Variants in FRMD4A observed in about 807,000 individuals in gnomAD.
FRMD4A encodes FERM domain containing 4A.
A neutral mutation model predicts 129.1 loss-of-function variants in FRMD4A; 29 were observed. The ratio of observed to expected loss-of-function variants is 0.22; its 90% CI spans 0.17 to 0.31. The LOEUF is 0.31. Ranked by LOEUF, FRMD4A falls within the 10% of genes least tolerant of loss-of-function variation. FRMD4A has a pLI of 1.00. For missense variants in FRMD4A, 1,272 were observed against 1,375.8 expected, an observed-to-expected ratio of 0.92 and a Z score of 1.19; for synonymous variants, 634 against 571.6, an observed-to-expected ratio of 1.11 and a Z score of -1.56.
intron 2 of FRMD4A, among the ~76,000 whole-genome samples, chr10:14,315,374 A>G (rs1404893482): frequency 6.6e-6 from 1 of 152,096 alleles, no homozygotes; most frequent in African/African-American, 2.4e-5. Flanking sequence ...TTAGAAACCT[A>G]TTTCTTCTGT....
intron 3 of FRMD4A, among the ~76,000 whole-genome samples, chr10:13,818,746 G>T (rs1469986735): frequency 6.6e-6 from 1 of 152,158 alleles, no homozygotes; most frequent in Non-Finnish European, 1.5e-5. Flanking sequence ...AAATTAGTCT[G>T]ATCTATATGA....
At position 13,991,534 on chromosome 10, in the gene FRMD4A, T is replaced by A. The variant is rs563199157; in HGVS notation, c.46-132622A>T. ...ACACAATGGAGTGGAATGGAGTGGC[T>A]CTGTTCTGTCAGGGCCTAACATTCC... is the stretch of plus-strand genomic sequence containing the variant. On this transcript the variant is annotated intron_variant, in intron 2 of 24. Transcript: ENST00000357447. Among the ~76,000 whole-genome samples, 14 of 152,320 alleles carry A rather than the reference T, an allele frequency of 9.2e-5. No homozygotes were observed. In the East Asian group the frequency reaches 2.1e-3, roughly 23 times the overall value.
chr10:14,260,385 T>C (rs1225791385), intron 2 of FRMD4A, among the ~76,000 whole-genome samples: 1 of 152,158 alleles, frequency 6.6e-6, no homozygotes, highest in African/African-American at 2.4e-5. Context: ...TGACACCACA[T>C]GGTGGCTGTG....
At chr10:13,817,614 A>G (rs531012962) in intron 3 of FRMD4A, among the ~76,000 whole-genome samples, 3 of 152,314 alleles carry the variant, frequency 2.0e-5, no homozygotes, top group African/African-American at 7.2e-5. Flanking sequence ...TAAGTCTCAC[A>G]AGATCTGACG....
chr10:13,698,762 C>T (rs1209800523), intron 14 of FRMD4A, among the ~76,000 whole-genome samples: 1 of 152,162 alleles, frequency 6.6e-6, no homozygotes, highest in African/African-American at 2.4e-5. Context: ...ACCCGGGGTC[C>T]CAGAGCTGGA....
chr10:14,297,907 G>A (rs568067620), intron 2 of FRMD4A, among the ~76,000 whole-genome samples: 1 of 152,278 alleles, frequency 6.6e-6, no homozygotes, highest in East Asian at 1.9e-4. Context: ...GAAAAGCCAA[G>A]ATCTTAACAT....
intron 8 of FRMD4A, among the ~76,000 whole-genome samples, chr10:13,755,417 C>T (rs1034222616): frequency 6.6e-6 from 1 of 152,190 alleles, no homozygotes; most frequent in Non-Finnish European, 1.5e-5. Context: ...ATAAAAATTT[C>T]TTTCCACACT....
At chr10:14,219,927 C>G (rs1843193912) in intron 2 of FRMD4A, among the ~76,000 whole-genome samples, 1 of 152,184 alleles carries the variant, frequency 6.6e-6, no homozygotes, top group Non-Finnish European at 1.5e-5. Flanking sequence ...ACATTTCCCC[C>G]TAATTCAAGA....
intron 2 of FRMD4A, among the ~76,000 whole-genome samples, chr10:14,117,248 C>G (rs1402639280): frequency 6.6e-6 from 1 of 152,254 alleles, no homozygotes. Context: ...CATCACAAGG[C>G]AGAGCCTGAA....
intron 2 of FRMD4A, among the ~76,000 whole-genome samples, chr10:13,918,669 C>G (rs906445277): frequency 6.6e-6 from 1 of 152,006 alleles, no homozygotes; most frequent in African/African-American, 2.4e-5. Context: ...GCTGGGATTA[C>G]AGGTGTGCAC....
chr10:13,695,010 T>C (rs1476196363), intron 14 of FRMD4A, among the ~76,000 whole-genome samples: 4 of 152,338 alleles, frequency 2.6e-5, no homozygotes, highest in African/African-American at 9.6e-5. Flanking sequence ...CTAGTCTTCC[T>C]ATTATGGTTC....
At chr10:13,693,814 G>T in intron 15 of FRMD4A, 84 bp downstream of exon 15, 2 of 1,404,860 alleles carry the variant, frequency 1.4e-6, no homozygotes, top group Non-Finnish European at 1.0e-6. Context: ...AGTCTCCCCA[G>T]CTGCAGCTCT....
At chr10:14,004,855 C>A (rs1269006248) in intron 2 of FRMD4A, among the ~76,000 whole-genome samples, 2 of 152,076 alleles carry the variant, frequency 1.3e-5, no homozygotes, top group Non-Finnish European at 1.5e-5. Context: ...CTCTTGTCAC[C>A]CCACCCTGCT....
intron 2 of FRMD4A, among the ~76,000 whole-genome samples, chr10:14,185,859 T>A (rs555265364): frequency 6.6e-5 from 10 of 151,948 alleles, no homozygotes; most frequent in Non-Finnish European, 1.5e-4. Context: ...AGGTTTCCCA[T>A]AGAGTTAGAG....
chr10:14,164,302 G>A (rs114395976), intron 2 of FRMD4A, among the ~76,000 whole-genome samples: 2 of 152,212 alleles, frequency 1.3e-5, no homozygotes, highest in Non-Finnish European at 2.9e-5. Flanking sequence ...AATGGCAGGG[G>A]CGACCTGCGC....
intron 2 of FRMD4A, among the ~76,000 whole-genome samples, chr10:14,033,483 T>G (rs1833349685): frequency 6.6e-6 from 1 of 151,864 alleles, no homozygotes. Flanking sequence ...AATGGCTGAT[T>G]GGATAAAGAA....
chr10:14,159,339 AAG>A, intron 2 of FRMD4A, among the ~76,000 whole-genome samples: 1 of 152,358 alleles, frequency 6.6e-6, no homozygotes, highest in African/African-American at 2.4e-5. Flanking sequence ...GTCGCTGAAA[AAG>A]AAATCAAGAA....
At chr10:14,312,725 G>A (rs1283461484) in intron 2 of FRMD4A, among the ~76,000 whole-genome samples, 4 of 152,156 alleles carry the variant, frequency 2.6e-5, no homozygotes, top group African/African-American at 9.7e-5. Flanking sequence ...AATTAGCCAG[G>A]TGTGGTGGTG....
At chr10:13,775,126 A>G (rs2092565553) in intron 6 of FRMD4A, among the ~76,000 whole-genome samples, 1 of 152,210 alleles carries the variant, frequency 6.6e-6, no homozygotes, top group African/African-American at 2.4e-5. Flanking sequence ...ATAAATAGGA[A>G]TTCTGGAAAG....
Sources: gnomAD v4.1 joint callset for allele counts (sites outside exome capture counted in the v4.1 genomes callset) on GRCh38, gnomAD v4.1.1 for gene constraint, MANE v1.5 for transcripts, NCBI Gene and HGNC (gene_info 2026-07-23, HGNC 2026-07-21) for gene names.